Variants in DDX10 observed in about 807,000 individuals in gnomAD.
The protein encoded by DDX10 is DEAD-box helicase 10.
In DDX10, 74 loss-of-function variants were observed where a neutral mutation model predicts 104.3. That is an observed-to-expected ratio of 0.71 (90% CI 0.59 to 0.86). DDX10 has a LOEUF of 0.86. Ranked by LOEUF, DDX10 falls within the 40% of genes least tolerant of loss-of-function variation. The probability of loss-of-function intolerance (pLI) is 0.00; values close to 1 mark genes in which losing one functional copy is unlikely to be tolerated. For missense variants in DDX10, 952 were observed against 1,040.0 expected (o/e 0.92, Z 1.16); for synonymous variants, 351 against 353.4 (o/e 0.99, Z 0.08).
chr11:108,881,450 G>C (rs996217305), intron 16 of DDX10, among the ~76,000 whole-genome samples: 1 of 152,170 alleles, frequency 6.6e-6, no homozygotes, highest in Non-Finnish European at 1.5e-5. Flanking sequence ...AGTTTGGAGA[G>C]TGTTAATCCT....
intron 13 of DDX10, among the ~76,000 whole-genome samples, chr11:108,770,901 T>C (rs2094362308): frequency 6.6e-6 from 1 of 152,286 alleles, no homozygotes; most frequent in South Asian, 2.1e-4. Context: ...GCTCTGTTTT[T>C]AGTTTTTTTT....
At chr11:108,737,917 A>G (rs1283045913) in intron 13 of DDX10, among the ~76,000 whole-genome samples, 1 of 152,118 alleles carries the variant, frequency 6.6e-6, no homozygotes, top group Non-Finnish European at 1.5e-5. Flanking sequence ...GTGCATTTTC[A>G]TATGCACTGA....
At chr11:108,932,855 CTT>C (rs1863991069) in intron 17 of DDX10, among the ~76,000 whole-genome samples, 1 of 151,918 alleles carries the variant, frequency 6.6e-6, no homozygotes, top group African/African-American at 2.4e-5. Flanking sequence ...TTATTATACT[CTT>C]TGTTGAAATA....
At chr11:108,822,923 A>G (rs1340094670) in intron 13 of DDX10, among the ~76,000 whole-genome samples, 1 of 152,192 alleles carries the variant, frequency 6.6e-6, no homozygotes, top group African/African-American at 2.4e-5. Context: ...CTAAGATGAA[A>G]TATAAGATAG....
rs1371721553 is a variant in DDX10 at position 108,835,736 on chromosome 11, C to T, written c.1966-2710C>T. Among the ~76,000 whole-genome samples the T allele has an allele frequency of 2.0e-5, 3 of 151,974 alleles. No homozygotes were observed. The East Asian group carries it at 5.8e-4, about 29-fold the overall frequency. ...ATCTGGATGAAGGATTTGGTCCGTG[C>T]CTAATTAAAGGCTGAGGTGAATTGG... On this transcript the variant is annotated intron_variant, in intron 13 of 17. Coordinates refer to ENST00000322536, the MANE Select transcript of DDX10 (RefSeq NM_004398.4).
At chr11:108,667,837 A>G (rs1405776695) in intron 1 of DDX10, among the ~76,000 whole-genome samples, 2 of 152,198 alleles carry the variant, frequency 1.3e-5, no homozygotes, top group Non-Finnish European at 2.9e-5. Context: ...GCTACTGTGC[A>G]TCTGTAGCAT....
At chr11:108,784,522 C>A (rs935783592) in intron 13 of DDX10, among the ~76,000 whole-genome samples, 1 of 151,932 alleles carries the variant, frequency 6.6e-6, no homozygotes, top group Non-Finnish European at 1.5e-5. Flanking sequence ...TAGCTCTTTG[C>A]CCATTTTTAA....
chr11:108,694,460 T>C (rs2094256947), intron 9 of DDX10, among the ~76,000 whole-genome samples: 1 of 152,218 alleles, frequency 6.6e-6, no homozygotes, highest in Non-Finnish European at 1.5e-5. Context: ...TCTTTTTCCT[T>C]TCTTCCTAGT....
chr11:108,689,680 G>T (rs1032984402), intron 7 of DDX10, among the ~76,000 whole-genome samples: 1 of 152,184 alleles, frequency 6.6e-6, no homozygotes, highest in African/African-American at 2.4e-5. Flanking sequence ...AGAGAACTTT[G>T]TCTCCTCTCT....
chr11:108,745,082 C>CCCTTT (rs1202267278), intron 13 of DDX10, among the ~76,000 whole-genome samples: 6 of 87,766 alleles, frequency 6.8e-5, no homozygotes, highest in African/African-American at 2.9e-4. Context: ...CCCTTCCCTT[C>CCCTTT]CTTTCCTTCT....
chr11:108,766,312 T>A (rs562120905), intron 13 of DDX10, among the ~76,000 whole-genome samples: 15 of 152,324 alleles, frequency 9.8e-5, no homozygotes, highest in South Asian at 6.2e-4. Context: ...CTTTGTAATG[T>A]CTTACCTGTA....
At chr11:108,808,461 C>T (rs957350764) in intron 13 of DDX10, among the ~76,000 whole-genome samples, 1 of 151,888 alleles carries the variant, frequency 6.6e-6, no homozygotes, top group Non-Finnish European at 1.5e-5. Flanking sequence ...TTTGGGCTAC[C>T]AGATCAGAGC....
intron 13 of DDX10, among the ~76,000 whole-genome samples, chr11:108,833,502 G>GTTT (rs1862501611): frequency 6.6e-6 from 1 of 152,202 alleles, no homozygotes; most frequent in African/African-American, 2.4e-5. Context: ...GAGCCTAACA[G>GTTT]GAAAATATGA....
In DDX10 at chr11:108,723,424, G is replaced by A. The variant is rs1226572152; in HGVS notation, c.1927G>A (p.Val643Met). ...TTTCTTGAAGGTGAAGCGGCATAAT[G>A]TGTTTGGATTGGACCTTAAAGACGA... The part of the protein sequence containing the change: ...ADFLKVKRHN[V>M]FGLDLKDEKT... Residue 643 changes from valine to methionine, a missense_variant, in exon 13 of 18, where the codon GTG becomes ATG. Physicochemically the swap from Val to Met is conservative, Grantham distance 21. This residue lies in a region of DDX10 where 533 missense variants were observed against 534.1 expected (regional missense o/e 1.00). Coordinates refer to ENST00000322536, the MANE Select transcript of DDX10 (RefSeq NM_004398.4). 1.2e-6 allele frequency: 2 copies of A among 1,613,662 alleles called. No individual in the cohort carries two copies. Among genetic ancestry groups the A allele is most frequent in the Non-Finnish European group, 1.7e-6 (2 of 1,179,768 alleles).
At chr11:108,710,802 C>T (rs1208350946) in intron 10 of DDX10, among the ~76,000 whole-genome samples, 2 of 152,164 alleles carry the variant, frequency 1.3e-5, no homozygotes, top group African/African-American at 4.8e-5. Context: ...ATGTATTGCC[C>T]TATAGTGTTA....
intron 16 of DDX10, among the ~76,000 whole-genome samples, chr11:108,884,282 A>G (rs1247172272): frequency 1.3e-5 from 2 of 152,176 alleles, no homozygotes; most frequent in African/African-American, 4.8e-5. Context: ...CACCAGGTTG[A>G]TTAGGCACAA....
At chr11:108,685,341 C>T (rs1347527909) in intron 6 of DDX10, among the ~76,000 whole-genome samples, 1 of 151,480 alleles carries the variant, frequency 6.6e-6, no homozygotes, top group African/African-American at 2.4e-5. Context: ...AGGGAACTCC[C>T]TGACCCCTTG....
rs576017121 is a variant in DDX10, at chr11:108,680,609, C to T, written c.848+1049C>T. On this transcript the variant is annotated intron_variant, in intron 6 of 17. Transcript: ENST00000322536. ...GCAGACTTCCAGGAGAAATGTTTTC[C>T]AGTAAATATAAAGTTGGATTTTTTG... 7.9e-5 allele frequency among the ~76,000 whole-genome samples: 12 copies of T among 152,214 alleles called. No individual in the cohort carries two copies. In the South Asian group the frequency reaches 1.2e-3, roughly 16 times the overall value.
At chr11:108,789,265 T>C (rs1861836684) in intron 13 of DDX10, among the ~76,000 whole-genome samples, 1 of 152,254 alleles carries the variant, frequency 6.6e-6, no homozygotes, top group Admixed American at 6.5e-5. Flanking sequence ...TGGCTTTTAC[T>C]ATGTTTAAGT....
Sources: gnomAD v4.1 joint callset for allele counts (sites outside exome capture counted in the v4.1 genomes callset) on GRCh38, gnomAD v4.1.1 for gene constraint, gnomAD v4.1.1 regional missense constraint, MANE v1.5 for transcripts, NCBI Gene and HGNC (gene_info 2026-07-23, HGNC 2026-07-21) for gene names.